The following TRNT1 variants were observed in gnomAD, a reference collection of about 807,000 sequenced individuals.
TRNT1 encodes the protein tRNA nucleotidyl transferase 1.
Under a neutral mutation model 45.6 loss-of-function variants are expected in TRNT1, and 44 were observed. The ratio of observed to expected loss-of-function variants is 0.97; its 90% CI spans 0.76 to 1.24. TRNT1 has a LOEUF of 1.24. TRNT1 is among the 50% of genes most tolerant of loss of function. The pLI, the probability that TRNT1 is intolerant of heterozygous loss-of-function variation, is 0.00. For synonymous variants in TRNT1, 201 were observed against 171.4 expected (o/e 1.17, Z -1.35); for missense variants, 633 against 504.4 (o/e 1.25, Z -2.44).
At chr3:3,150,638 AG>A (rs1252226134), downstream of TRNT1, 34 of 470,576 alleles carry the variant, frequency 7.2e-5, no homozygotes, top group Non-Finnish European at 1.3e-4. Flanking sequence ...AAGCTACCCA[AG>A]TAGATGTTTC....
At chr3:3,136,506 T>C (rs74543240) in intron 2 of TRNT1, among the ~76,000 whole-genome samples, 1 of 152,162 alleles carries the variant, frequency 6.6e-6, no homozygotes, top group Admixed American at 6.5e-5. Flanking sequence ...ATAAGTGGTA[T>C]AGACTAATGT....
At chr3:3,127,727 C>G (rs535022993) in intron 1 of TRNT1, 1 of 152,270 alleles carries the variant, frequency 6.6e-6, no homozygotes, top group South Asian at 2.1e-4. Context: ...GTTTTGGAGA[C>G]CAGAAACTCG....
Position 3,148,414 on chromosome 3 carries a change from C to G in TRNT1, c.*260C>G. ...GAAAACATAGTTGGCTATTATCTAT[C>G]TTAACCTGTTCAGGCTTTTAAAAAA... On this transcript the variant is annotated 3_prime_UTR_variant, in exon 8 of 8. Transcript: ENST00000251607. The G allele has an allele frequency of 3.0e-6, 1 of 336,606 alleles. No homozygotes were observed. The highest frequency in any genetic ancestry group is 4.5e-5 in the Admixed American group (1 of 22,216). The allele number at this position is 336,606 out of a possible 1,614,324, so 20.9% of individuals were successfully genotyped here. A position where few individuals can be genotyped will look rare whatever the true frequency, so the allele number is the denominator to read the frequency against.
chr3:3,146,404 T>TA (rs1706021838), intron 5 of TRNT1, 26 bp from the exon 6 acceptor site: 13 of 1,583,776 alleles, frequency 8.2e-6, no homozygotes, highest in Middle Eastern at 1.7e-4. Context: ...ATAGAGGTAA[T>TA]ACCCTGTGAA....
At chr3:3,147,128 TG>T (rs1459118790) in intron 6 of TRNT1, among the ~76,000 whole-genome samples, 1 of 151,944 alleles carries the variant, frequency 6.6e-6, no homozygotes, top group African/African-American at 2.4e-5. Flanking sequence ...GAATGGGGGG[TG>T]GATCTTGTAT....
At chr3:3,146,656 G>A in intron 6 of TRNT1, 33 bp downstream of exon 6, 2 of 1,493,530 alleles carry the variant, frequency 1.3e-6, no homozygotes, top group Non-Finnish European at 1.8e-6. Context: ...TTGAATTTTT[G>A]GCAGTGAAAT....
At position 3,147,484 on chromosome 3, in the gene TRNT1, C is replaced by T; in HGVS notation, c.837C>T (p.Asp279=). Residue 279 remains aspartate (D), a synonymous_variant, in exon 7 of 8, where the codon GAC becomes GAT. Transcript: ENST00000251607. ...CTAATGCAAGTTTAGAAGAATTTGA[C>T]AAAGTCAGTAAAAATGTTGATGGTT... The part of the protein sequence containing the change: ...LPANASLEEF[D]KVSKNVDGFS... 1.2e-6 allele frequency: 2 copies of T among 1,613,642 alleles called. No individual in the cohort carries two copies. Among genetic ancestry groups the T allele is most frequent in the Non-Finnish European group, 1.7e-6 (2 of 1,179,698 alleles).
intron 3 of TRNT1, among the ~76,000 whole-genome samples, chr3:3,140,302 T>TA (rs1705566603): frequency 6.6e-6 from 1 of 152,236 alleles, no homozygotes; most frequent in South Asian, 2.1e-4. Context: ...GGATTTTTTT[T>TA]AAAAAAATCA....
At position 3,131,009 on chromosome 3, in the gene TRNT1, G is replaced by GA. The variant is rs200067390; in HGVS notation, c.148+1822dup. On this transcript the variant is annotated intron_variant, in intron 2 of 7. Transcript: ENST00000251607. ...AGGTGGGAGGATCACTGAAGCCTGG[G>GA]AGGGGGGCTTGCGGTAAGCCGAGAT... 7.7e-4 allele frequency among the ~76,000 whole-genome samples: 117 copies of GA among 152,160 alleles called. 1 individual carries two copies. The East Asian group carries it at 0.021, about 28-fold the overall frequency.
downstream of TRNT1, chr3:3,153,261 A>G (rs529987495): frequency 1.6e-5 from 9 of 580,578 alleles, no homozygotes; most frequent in African/African-American, 1.3e-4. Context: ...TGAGTACCCA[A>G]TCTGGAAGAT....
At chr3:3,138,263 G>T (rs920890230) in intron 3 of TRNT1, among the ~76,000 whole-genome samples, 15 of 152,254 alleles carry the variant, frequency 9.9e-5, no homozygotes, top group African/African-American at 3.1e-4. Context: ...CCTCCATGGT[G>T]GTTTGATAGT....
At chr3:3,138,354 G>A (rs550356724) in intron 3 of TRNT1, among the ~76,000 whole-genome samples, 12 of 152,332 alleles carry the variant, frequency 7.9e-5, no homozygotes, top group Non-Finnish European at 1.5e-4. Context: ...AGTACTGCCA[G>A]TAAGTCTAGT....
At chr3:3,130,278 T>A (rs1305542625) in intron 2 of TRNT1, 3 of 283,692 alleles carry the variant, frequency 1.1e-5, no homozygotes, top group Non-Finnish European at 2.0e-5. Context: ...AATTAGAATC[T>A]CTGGGTGGGA....
At position 3,148,161 on chromosome 3, in the gene TRNT1, T is replaced by C; in HGVS notation, c.*7T>C. On this transcript the variant is annotated 3_prime_UTR_variant, in exon 8 of 8. Transcript: ENST00000251607. The stretch of plus-strand genomic sequence containing the variant: ...TTACATAAAGAAGACCTAAAACTGA[T>C]GGCTACTAAAAAGCAGAGCATTTCT... 1 of 1,610,726 alleles carries C rather than the reference T, an allele frequency of 6.2e-7. No individual in the cohort carries two copies. The highest frequency in any genetic ancestry group is 2.2e-5 in the East Asian group (1 of 44,844).
At chr3:3,141,725 C>G (rs770308792) in intron 4 of TRNT1, among the ~76,000 whole-genome samples, 4 of 152,156 alleles carry the variant, frequency 2.6e-5, no homozygotes, top group Non-Finnish European at 5.9e-5. Context: ...ATCCACTGTT[C>G]ATAACCTAGT....
At chr3:3,138,919 T>C (rs1024463522) in intron 3 of TRNT1, among the ~76,000 whole-genome samples, 1 of 152,166 alleles carries the variant, frequency 6.6e-6, no homozygotes, top group Admixed American at 6.5e-5. Flanking sequence ...TATTGTAGTT[T>C]TGCATGGGAA....
At chr3:3,133,259 G>T (rs1705125661) in intron 2 of TRNT1, among the ~76,000 whole-genome samples, 1 of 152,090 alleles carries the variant, frequency 6.6e-6, no homozygotes, top group Non-Finnish European at 1.5e-5. Context: ...TGGCATAGAA[G>T]ATTATTTCCC....
At chr3:3,150,892 A>ACTT (rs765283569), downstream of TRNT1, 7 of 1,613,746 alleles carry the variant, frequency 4.3e-6, no homozygotes, top group African/African-American at 9.3e-5. Context: ...CTTTGTCTGG[A>ACTT]CTTATTTCAT....
At chr3:3,129,763 T>C (rs1417714203) in intron 2 of TRNT1, among the ~76,000 whole-genome samples, 2 of 152,192 alleles carry the variant, frequency 1.3e-5, no homozygotes, top group Non-Finnish European at 2.9e-5. Context: ...AGTACGCACA[T>C]TTTGACCTGT....
Sources: allele counts gnomAD v4.1 joint callset (sites outside exome capture counted in the v4.1 genomes callset), GRCh38; gene constraint gnomAD v4.1.1; transcripts MANE v1.5; gene names NCBI Gene and HGNC (gene_info 2026-07-23, HGNC 2026-07-21).